The following SIPA1L3 variants were observed in gnomAD, a reference collection of about 807,000 sequenced individuals.
The protein encoded by SIPA1L3 is signal-induced proliferation-associated 1-like protein 3.
SIPA1L3 carries 59 observed loss-of-function variants against 150.1 expected under a neutral mutation model. The observed-to-expected ratio is 0.39, with a 90% CI of 0.32 to 0.49. SIPA1L3 has a LOEUF of 0.49. Among genes scored for constraint, SIPA1L3 ranks in the 20% least tolerant of loss-of-function variants. The pLI is 0.86. For synonymous variants in SIPA1L3, 1,070 were observed against 1,077.6 expected (o/e 0.99, Z 0.14); for missense variants, 2,211 against 2,489.5 (o/e 0.89, Z 2.38).
intron 18 of SIPA1L3, among the ~76,000 whole-genome samples, chr19:38,195,516 C>T (rs1972902203): frequency 6.6e-6 from 1 of 152,192 alleles, no homozygotes; most frequent in Non-Finnish European, 1.5e-5. Flanking sequence ...CCAGGCTTCC[C>T]TCCACGTCTC....
chr19:38,016,519 T>C (rs764816346), intron 1 of SIPA1L3, among the ~76,000 whole-genome samples: 2 of 152,140 alleles, frequency 1.3e-5, no homozygotes, highest in Non-Finnish European at 2.9e-5. Flanking sequence ...TTTTTTGAGA[T>C]GGAGTCTCTG....
chr19:37,932,868 G>A (rs981265305), intron 1 of SIPA1L3, among the ~76,000 whole-genome samples: 3 of 152,022 alleles, frequency 2.0e-5, no homozygotes, highest in Non-Finnish European at 2.9e-5. Flanking sequence ...GGGTGTTGAC[G>A]GACTGAGAAA....
intron 1 of SIPA1L3, among the ~76,000 whole-genome samples, chr19:38,004,999 A>C (rs912636158): frequency 3.9e-5 from 6 of 152,242 alleles, no homozygotes; most frequent in Non-Finnish European, 4.4e-5. Context: ...GCCCGAGTCC[A>C]AAACAACCCG....
chr19:38,050,674 C>T (rs758455202), intron 2 of SIPA1L3, among the ~76,000 whole-genome samples: 3 of 152,110 alleles, frequency 2.0e-5, no homozygotes, highest in East Asian at 1.9e-4. Flanking sequence ...CAAAGTTGTC[C>T]GAAGAGCAGG....
At chr19:37,979,146 A>C (rs2145610309) in intron 1 of SIPA1L3, among the ~76,000 whole-genome samples, 1 of 152,218 alleles carries the variant, frequency 6.6e-6, no homozygotes, top group Admixed American at 6.5e-5. Context: ...TGCGGGCGAG[A>C]TCCAACTCAC....
chr19:38,192,304 C>A lies in SIPA1L3; in HGVS notation c.4590C>A (p.Asp1530Glu). The stretch of plus-strand genomic sequence containing the variant: ...ACCTGGGGCCAGAGCAGGAGAGAGA[C>A]ACGGGAGTACGTAGGGCCCTGTCCC... ...MDNLGPEQER[D>E]TGQSPQKGLQ... The change falls in exon 17 of 22, where the codon GAC becomes GAA. Residue 1530 changes from aspartate to glutamate, a missense_variant. By Grantham distance (45) the Asp-to-Glu change is conservative. This residue lies in a region of SIPA1L3 where 806 missense variants were observed against 870.1 expected (regional missense o/e 0.93). Transcript: ENST00000222345. 1 of 1,604,516 alleles carries A rather than the reference C, an allele frequency of 6.2e-7. No individual in the cohort carries two copies. Among genetic ancestry groups the A allele is most frequent in the Non-Finnish European group, 8.5e-7 (1 of 1,175,914 alleles).
chr19:38,122,126 G>A (rs962792403), intron 9 of SIPA1L3, among the ~76,000 whole-genome samples: 12 of 151,826 alleles, frequency 7.9e-5, no homozygotes, highest in Non-Finnish European at 1.6e-4. Flanking sequence ...GAGGCCGAGG[G>A]AAAAGAATTG....
chr19:37,928,782 A>AT (rs1599804185), intron 1 of SIPA1L3, among the ~76,000 whole-genome samples: 1 of 152,306 alleles, frequency 6.6e-6, no homozygotes, highest in East Asian at 1.9e-4. Context: ...CCCAAATGAA[A>AT]TTGGCCTGAA....
intron 1 of SIPA1L3, among the ~76,000 whole-genome samples, chr19:37,912,022 A>G (rs1166449686): frequency 6.6e-6 from 1 of 151,906 alleles, no homozygotes; most frequent in African/African-American, 2.4e-5. Context: ...CAGTGAGCCA[A>G]GATTGTGCCA....
chr19:38,158,590 A>G (rs998262153), intron 13 of SIPA1L3, among the ~76,000 whole-genome samples: 24 of 152,180 alleles, frequency 1.6e-4, no homozygotes, highest in Non-Finnish European at 5.9e-5. Context: ...CTGGCTACAG[A>G]TTACTGTCAG....
chr19:38,130,342 G>T (rs970302992), intron 9 of SIPA1L3, among the ~76,000 whole-genome samples, 156 bp from the exon 10 acceptor site: 3 of 152,226 alleles, frequency 2.0e-5, no homozygotes, highest in East Asian at 1.9e-4. Context: ...GACCGGGTGC[G>T]TGTTCCCCCT....
chr19:38,018,156 C>CTTTTTTTTTTTTTTTTTT (rs34874664), intron 1 of SIPA1L3, among the ~76,000 whole-genome samples: 2 of 61,328 alleles, frequency 3.3e-5, no homozygotes, highest in African/African-American at 1.5e-4. Flanking sequence ...CTTTGAGTGT[C>CTTTTTTTTTTTTTTTTTT]TTTTTTTTTT....
rs1970310626 is a variant in SIPA1L3, at chr19:38,093,562, G to A, written c.1665+4711G>A. On this transcript the variant is annotated intron_variant, in intron 4 of 21. Coordinates refer to ENST00000222345, the MANE Select transcript of SIPA1L3 (RefSeq NM_015073.3). ...TGCAGCCGATGTTCCTTCCCAGGAG[G>A]TCAGAGCCCCATGCTGGGAAGCATA... Among the ~76,000 whole-genome samples, 3 of 152,176 alleles carry A rather than the reference G, an allele frequency of 2.0e-5. No individual in the cohort carries two copies. The South Asian group carries it at 6.2e-4, about 32-fold the overall frequency.
chr19:38,006,184 C>G (rs1170439690), intron 1 of SIPA1L3, among the ~76,000 whole-genome samples: 1 of 151,676 alleles, frequency 6.6e-6, no homozygotes, highest in African/African-American at 2.4e-5. Context: ...GTGGTGGTGG[C>G]AGGGGTGAGT....
chr19:38,185,823 T>G (rs1972664446), intron 16 of SIPA1L3: 1 of 152,200 alleles, frequency 6.6e-6, no homozygotes, highest in South Asian at 2.1e-4. Context: ...ATTGCCTCTG[T>G]AAAGACTCTG....
At chr19:38,100,919 T>G in intron 5 of SIPA1L3, 133 bp from the exon 6 acceptor site, 1 of 1,002,040 alleles carries the variant, frequency 1.0e-6, no homozygotes, top group Non-Finnish European at 1.3e-6. Context: ...TTTTCCCCTG[T>G]CTGGCTATGG....
At chr19:38,182,895 G>A in intron 16 of SIPA1L3, 155 bp downstream of exon 16, 2 of 608,990 alleles carry the variant, frequency 3.3e-6, no homozygotes, top group Non-Finnish European at 5.7e-6. Context: ...AGCAGGACAG[G>A]CGAGAACCCC....
intron 1 of SIPA1L3, among the ~76,000 whole-genome samples, chr19:38,022,714 A>T (rs534488506): frequency 6.6e-6 from 1 of 152,352 alleles, no homozygotes; most frequent in East Asian, 1.9e-4. Context: ...TCTCAAGAAA[A>T]AAATAAATAA....
chr19:38,104,718 C>G (rs537821955), intron 6 of SIPA1L3, among the ~76,000 whole-genome samples: 1 of 152,054 alleles, frequency 6.6e-6, no homozygotes, highest in African/African-American at 2.4e-5. Context: ...ATTACAAGCA[C>G]GTGCCACCAG....
Sources: gnomAD v4.1 joint callset for allele counts (sites outside exome capture counted in the v4.1 genomes callset) on GRCh38, gnomAD v4.1.1 for gene constraint, gnomAD v4.1.1 regional missense constraint, MANE v1.5 for transcripts, NCBI Gene and HGNC (gene_info 2026-07-23, HGNC 2026-07-21) for gene names.